The following KATNIP variants were observed in gnomAD, a reference collection of about 807,000 sequenced individuals.
KATNIP encodes katanin-interacting protein.
KATNIP carries 126 observed loss-of-function variants against 174.0 expected under a neutral mutation model. That is an observed-to-expected ratio of 0.72 (90% CI 0.63 to 0.84). KATNIP has a LOEUF of 0.84. Among genes scored for constraint, KATNIP ranks in the 40% least tolerant of loss-of-function variants. KATNIP has a pLI of 0.00. For missense variants in KATNIP, 1,958 were observed against 2,109.7 expected (o/e 0.93, Z 1.41); for synonymous variants, 810 against 835.7 (o/e 0.97, Z 0.53).
intron 6 of KATNIP, among the ~76,000 whole-genome samples, chr16:27,661,654 A>G (rs573818658): frequency 1.1e-4 from 16 of 151,594 alleles, no homozygotes; most frequent in Non-Finnish European, 2.2e-4. Flanking sequence ...AGGCCTCCCA[A>G]AGTGCTGGGA....
At chr16:27,597,603 G>A (rs1366786145) in intron 2 of KATNIP, among the ~76,000 whole-genome samples, 7 of 151,876 alleles carry the variant, frequency 4.6e-5, no homozygotes, top group Admixed American at 1.3e-4. Context: ...TTCTCCAGCC[G>A]GAGGACATTA....
Position 27,749,943 on chromosome 16 carries a change from G to A in KATNIP, c.2983G>A (p.Gly995Arg), listed in dbSNP as rs372039187. Residue 995 changes from glycine to arginine, a missense_variant, in exon 16 of 28, where the codon GGA becomes AGA. Coordinates refer to ENST00000261588, the MANE Select transcript of KATNIP (RefSeq NM_015202.5). ...GGACAGACACTATGTCGGCCTCAAC[G>A]GAATAGAAATATTCAGTTCCAAGGG... ...WGDRHYVGLN[G>R]IEIFSSKGEP... is the part of the protein sequence containing the mutation. The A allele has an allele frequency of 3.3e-5, 54 of 1,614,018 alleles. No homozygotes were observed. Among genetic ancestry groups the A allele is most frequent in the South Asian group, 2.0e-4 (18 of 91,088 alleles).
intron 2 of KATNIP, among the ~76,000 whole-genome samples, chr16:27,578,233 C>T (rs1035357947): frequency 2.0e-5 from 3 of 151,420 alleles, no homozygotes; most frequent in East Asian, 2.0e-4. Context: ...CTCAGGAGGC[C>T]GAGGCAGGAG....
intron 13 of KATNIP, among the ~76,000 whole-genome samples, chr16:27,719,988 A>T (rs1358759140): frequency 6.6e-6 from 1 of 152,018 alleles, no homozygotes; most frequent in African/African-American, 2.4e-5. Context: ...CCCCATTTTT[A>T]AATGTTGGCA....
At chr16:27,695,515 G>T (rs114794975) in intron 8 of KATNIP, among the ~76,000 whole-genome samples, 21 of 152,322 alleles carry the variant, frequency 1.4e-4, no homozygotes, top group African/African-American at 4.8e-4. Context: ...CCACACTCCA[G>T]ATCTCCCTTA....
intron 2 of KATNIP, among the ~76,000 whole-genome samples, chr16:27,609,686 T>A (rs1327028622): frequency 1.3e-5 from 2 of 150,116 alleles, no homozygotes; most frequent in Admixed American, 6.7e-5. Flanking sequence ...CACCGCGCCC[T>A]GCCAAGTCAT....
intron 10 of KATNIP, 200 bp from the exon 11 acceptor site, chr16:27,701,389 C>T: frequency 2.0e-6 from 1 of 511,632 alleles, no homozygotes. Flanking sequence ...CTAGGAGCGC[C>T]CTGGTCCTCG....
intron 20 of KATNIP, among the ~76,000 whole-genome samples, chr16:27,769,364 T>C (rs1372901709): frequency 6.6e-6 from 1 of 152,106 alleles, no homozygotes; most frequent in East Asian, 1.9e-4. Context: ...AGCCAGGGGT[T>C]GAAAAAGGAG....
intron 6 of KATNIP, among the ~76,000 whole-genome samples, chr16:27,665,398 C>T (rs1347611417): frequency 4.6e-5 from 7 of 151,980 alleles, no homozygotes; most frequent in Non-Finnish European, 1.0e-4. Flanking sequence ...AGCCACTGTG[C>T]CCAGCATGCT....
intron 18 of KATNIP, chr16:27,757,507 A>G (rs932479853): frequency 1.0e-6 from 1 of 985,266 alleles, no homozygotes; most frequent in Admixed American, 6.1e-5. Flanking sequence ...CTGCCTGTAG[A>G]TGTGTTTCCT....
In KATNIP at chr16:27,721,673, G is replaced by A. The variant is rs545219030; in HGVS notation, c.1721G>A (p.Arg574Gln). 1.4e-5 allele frequency: 22 copies of A among 1,614,096 alleles called. No homozygotes were observed. Among genetic ancestry groups the A allele is most frequent in the Middle Eastern group, 1.6e-4 (1 of 6,062 alleles). The change falls in exon 14 of 28, where the codon CGG (arginine) becomes CAG (glutamine). Residue 574 changes from arginine (R) to glutamine (Q), a missense_variant. Around this residue, in one of 3 missense-constraint regions of KATNIP, gnomAD observed 1,557 missense variants for 1,617.8 expected, o/e 0.96. Coordinates refer to ENST00000261588, the MANE Select transcript of KATNIP (RefSeq NM_015202.5). ...TTCCATCTGGCCAAGATCAAGGTTC[G>A]GAATTACTGGACAGCTGATGGCGTA... ...GDFHLAKIKV[R>Q]NYWTADGDLD...
intron 2 of KATNIP, among the ~76,000 whole-genome samples, chr16:27,600,876 C>T (rs1248252251): frequency 2.0e-5 from 3 of 152,012 alleles, no homozygotes; most frequent in Non-Finnish European, 4.4e-5. Flanking sequence ...ATTACAGGCA[C>T]ACACCACCAC....
At position 27,750,099 on chromosome 16, in the gene KATNIP, G is replaced by T. The variant is rs774087683; in HGVS notation, c.3139G>T (p.Val1047Phe). Residue 1047 changes from valine to phenylalanine, a missense_variant, in exon 16 of 28, where the codon GTC becomes TTC. Physicochemically the swap from Val to Phe is conservative, Grantham distance 50. This residue lies in a region of KATNIP where 1,557 missense variants were observed against 1,617.8 expected (regional missense o/e 0.96). Coordinates refer to ENST00000261588, the MANE Select transcript of KATNIP (RefSeq NM_015202.5). ...GAACAGGACCCAGGATGACATGCAT[G>T]TCTGGCTGGCCCCCTTCACGCGGGG... ...GVNRTQDDMH[V>F]WLAPFTRGRS... 9 of 1,614,078 alleles carry T rather than the reference G, an allele frequency of 5.6e-6. No homozygotes were observed. The highest frequency in any genetic ancestry group is 2.7e-5 in the African/African-American group (2 of 74,916).
intron 1 of KATNIP, among the ~76,000 whole-genome samples, chr16:27,563,408 G>C (rs990040682): frequency 5.3e-5 from 8 of 152,178 alleles, no homozygotes; most frequent in African/African-American, 1.7e-4. Flanking sequence ...GGTCCCATCT[G>C]TGCAGGAGTC....
intron 8 of KATNIP, among the ~76,000 whole-genome samples, chr16:27,693,191 T>G (rs1041963865): frequency 6.6e-6 from 1 of 152,182 alleles, no homozygotes; most frequent in Admixed American, 6.5e-5. Context: ...TCTCAGCCCA[T>G]GTTTGCTTTA....
chr16:27,771,253 G>C (rs1482174657), intron 21 of KATNIP, among the ~76,000 whole-genome samples: 1 of 152,180 alleles, frequency 6.6e-6, no homozygotes, highest in Non-Finnish European at 1.5e-5. Context: ...CCTTGAGCAA[G>C]TGACCTCACT....
Position 27,769,958 on chromosome 16 carries a change from C to T in KATNIP, c.4073C>T (p.Ala1358Val). The change falls in exon 21 of 28, where the codon GCT becomes GTT. Residue 1358 changes from alanine (A) to valine (V), a missense_variant. By Grantham distance (64) the Ala-to-Val change is moderately conservative. Transcript: ENST00000261588. ...KGPGNCHFDF[A>V]QEILFVDYLR... Reference sequence around the variant, plus strand: ...CCAGGCAACTGCCACTTTGATTTTGCTCAAGAAATCCTCTTCGTGGACTAC... The same window carrying T: ...CCAGGCAACTGCCACTTTGATTTTGTTCAAGAAATCCTCTTCGTGGACTAC... 2.5e-6 allele frequency: 4 copies of T among 1,614,234 alleles called. No homozygotes were observed. The highest frequency in any genetic ancestry group is 3.4e-6 in the Non-Finnish European group (4 of 1,180,030).
intron 6 of KATNIP, among the ~76,000 whole-genome samples, chr16:27,653,460 G>A (rs898599780): frequency 1.3e-5 from 2 of 151,796 alleles, no homozygotes; most frequent in African/African-American, 4.8e-5. Context: ...CATCCCTTCA[G>A]TCTTCCTTCA....
intron 6 of KATNIP, among the ~76,000 whole-genome samples, chr16:27,668,657 C>T (rs1396736018): frequency 2.0e-5 from 3 of 152,172 alleles, no homozygotes; most frequent in Non-Finnish European, 4.4e-5. Context: ...GTACTTAAGT[C>T]CTCCAGGCCT....
Sources: allele counts gnomAD v4.1 joint callset (sites outside exome capture counted in the v4.1 genomes callset), GRCh38; gene constraint gnomAD v4.1.1; regional missense constraint gnomAD v4.1.1; transcripts MANE v1.5; gene names NCBI Gene and HGNC (gene_info 2026-07-23, HGNC 2026-07-21).